KCNMA1: variants seen among roughly 807,000 people sequenced by gnomAD.
The protein encoded by KCNMA1 is Calcium-activated potassium channel subunit alpha-1.
A neutral mutation model predicts 140.0 loss-of-function variants in KCNMA1; 29 were observed. The observed-to-expected ratio is 0.21, with a 90% CI of 0.15 to 0.28. The LOEUF (loss-of-function observed/expected upper bound fraction) is 0.28. KCNMA1 is among the 10% of genes least tolerant of loss of function. The pLI, the probability that KCNMA1 is intolerant of heterozygous loss-of-function variation, is 1.00. For synonymous variants in KCNMA1, 612 were observed against 611.9 expected, an observed-to-expected ratio of 1.00 and a Z score of 0.00; for missense variants, 880 against 1,602.2, an observed-to-expected ratio of 0.55 and a Z score of 7.70.
chr10:77,090,744 C>CA, intron 9 of KCNMA1: 1 of 575,692 alleles, frequency 1.7e-6, no homozygotes, highest in Non-Finnish European at 3.1e-6. Context: ...TGATGCTGCA[C>CA]AAAATCCTAT....
chr10:76,985,198 A>G (rs1014760341), intron 19 of KCNMA1, among the ~76,000 whole-genome samples: 1 of 152,254 alleles, frequency 6.6e-6, no homozygotes, highest in Non-Finnish European at 1.5e-5. Context: ...ATAAAAACCT[A>G]GAATGTTAAT....
At chr10:77,316,526 C>G (rs1312709381) in intron 2 of KCNMA1, among the ~76,000 whole-genome samples, 1 of 152,146 alleles carries the variant, frequency 6.6e-6, no homozygotes, top group African/African-American at 2.4e-5. Context: ...TTGGCTTCAC[C>G]CTCAGAGTTT....
chr10:77,632,014 G>C lies in KCNMA1; in HGVS notation c.378+5251C>G, dbSNP rs551856267. 2.6e-5 allele frequency among the ~76,000 whole-genome samples: 4 copies of C among 152,312 alleles called. No individual in the cohort carries two copies. In the South Asian group the frequency reaches 8.3e-4, roughly 32 times the overall value. On this transcript the variant is annotated intron_variant, in intron 1 of 27. Coordinates refer to ENST00000286628, the MANE Select transcript of KCNMA1 (RefSeq NM_001161352.2). The stretch of plus-strand genomic sequence containing the variant: ...CAGGTGAGGAAACTGAGGCACAAAG[G>C]CATGACGTCTTTGCCCAGGATCACA...
At chr10:77,322,463 C>A (rs969872703) in intron 2 of KCNMA1, among the ~76,000 whole-genome samples, 4 of 152,226 alleles carry the variant, frequency 2.6e-5, no homozygotes, top group African/African-American at 9.6e-5. Flanking sequence ...AAGATGTGTG[C>A]TGCAGATGTG....
intron 5 of KCNMA1, among the ~76,000 whole-genome samples, chr10:77,158,258 C>G (rs995352241): frequency 6.6e-6 from 1 of 152,100 alleles, no homozygotes; most frequent in Non-Finnish European, 1.5e-5. Flanking sequence ...AAAATAATGA[C>G]CTAGTCATTG....
At chr10:76,948,872 G>T (rs2065224944) in intron 22 of KCNMA1, 1 of 523,934 alleles carries the variant, frequency 1.9e-6, no homozygotes, top group Non-Finnish European at 3.4e-6. Context: ...AGGAGTGAGA[G>T]TGTTTAGACG....
rs754541722 is a variant in KCNMA1, at chr10:77,025,396, G to A, written c.1928+2427C>T. ...CAAATGGTTAGTCCTGTGGTTAGGA[G>A]TGAAGATAGAGGGTGGAGGTTGGAA... On this transcript the variant is annotated intron_variant, in intron 16 of 27. Coordinates refer to ENST00000286628, the MANE Select transcript of KCNMA1 (RefSeq NM_001161352.2). The A allele has an allele frequency of 3.9e-6, 6 of 1,536,614 alleles. No homozygotes were observed. The South Asian group carries it at 4.6e-5, about 12-fold the overall frequency.
chr10:77,152,587 C>T (rs1379323331), intron 5 of KCNMA1, among the ~76,000 whole-genome samples: 3 of 152,074 alleles, frequency 2.0e-5, no homozygotes, highest in African/African-American at 2.4e-5. Context: ...AAGAGCCTTG[C>T]GACCAAGGGG....
At chr10:77,202,278 A>G (rs560568537) in intron 3 of KCNMA1, among the ~76,000 whole-genome samples, 2 of 152,266 alleles carry the variant, frequency 1.3e-5, no homozygotes, top group African/African-American at 4.8e-5. Flanking sequence ...AAGGAGTGCT[A>G]ATTGAGGCAA....
intron 10 of KCNMA1, among the ~76,000 whole-genome samples, chr10:77,089,344 T>C (rs543427387): frequency 2.6e-5 from 4 of 152,146 alleles, no homozygotes; most frequent in Non-Finnish European, 5.9e-5. Context: ...ACAAACATGT[T>C]AGCTTTGTCC....
At chr10:76,873,152 A>G (rs577260129), downstream of KCNMA1, 14 of 152,342 alleles carry the variant, frequency 9.2e-5, no homozygotes, top group African/African-American at 3.4e-4. Context: ...GCTTACCATA[A>G]AAATTGAAAA....
chr10:77,291,438 A>G (rs1237939624), intron 2 of KCNMA1, among the ~76,000 whole-genome samples: 1 of 152,192 alleles, frequency 6.6e-6, no homozygotes, highest in Non-Finnish European at 1.5e-5. Flanking sequence ...AAAAAGAAAA[A>G]CAGGTACTCC....
intron 5 of KCNMA1, among the ~76,000 whole-genome samples, chr10:77,138,768 A>G (rs142341810): frequency 1.2e-4 from 19 of 152,240 alleles, no homozygotes; most frequent in Non-Finnish European, 2.4e-4. Context: ...CCCTGCACAC[A>G]GTGTCTCTGC....
intron 1 of KCNMA1, among the ~76,000 whole-genome samples, chr10:77,417,854 A>T (rs1442031766): frequency 6.6e-6 from 1 of 152,206 alleles, no homozygotes; most frequent in Non-Finnish European, 1.5e-5. Flanking sequence ...AAGGGCTAGC[A>T]AGACAGACAG....
rs1433687882 is a variant in KCNMA1, at chr10:77,023,288, A to G, written c.1929-4189T>C. Among the ~76,000 whole-genome samples, 5 of 152,138 alleles carry G rather than the reference A, an allele frequency of 3.3e-5. No individual in the cohort carries two copies. The East Asian group carries it at 9.6e-4, about 29-fold the overall frequency. Reference sequence around the variant, plus strand: ...TTTCTGAAGACAACCTATGATTCGTAATTCAAGTGAAACAGATATTGTTTA... The same window carrying G: ...TTTCTGAAGACAACCTATGATTCGTGATTCAAGTGAAACAGATATTGTTTA... On this transcript the variant is annotated intron_variant, in intron 16 of 27. Transcript: ENST00000286628.
rs1339685697 is a variant in KCNMA1, at chr10:76,951,895, G to C, written c.2484+1906C>G. The C allele has an allele frequency of 7.3e-6, 6 of 819,908 alleles. No individual in the cohort carries two copies. In the East Asian group the frequency reaches 1.7e-4, roughly 23 times the overall value. 50.8% of individuals were successfully genotyped at this position (819,908 alleles called of 1,614,324 possible). On this transcript the variant is annotated intron_variant, in intron 21 of 27. Coordinates refer to ENST00000286628, the MANE Select transcript of KCNMA1 (RefSeq NM_001161352.2). ...ACTCCTCTTCCCCCAGCCCCACCCT[G>C]CTAGAACACAAGCTCTGTGAGAGCA...
At chr10:76,943,048 T>C (rs1047496818) in intron 23 of KCNMA1, among the ~76,000 whole-genome samples, 8 of 152,146 alleles carry the variant, frequency 5.3e-5, no homozygotes, top group African/African-American at 1.9e-4. Context: ...CAGACACCCA[T>C]ACTGGGGCAG....
chr10:77,292,118 G>C (rs1032179191), intron 2 of KCNMA1, among the ~76,000 whole-genome samples: 2 of 152,174 alleles, frequency 1.3e-5, no homozygotes, highest in Admixed American at 1.3e-4. Flanking sequence ...TCATGAAAGA[G>C]GGTTATTTCC....
At chr10:77,457,271 G>T (rs1039109445) in intron 1 of KCNMA1, among the ~76,000 whole-genome samples, 29 of 152,162 alleles carry the variant, frequency 1.9e-4, no homozygotes, top group African/African-American at 7.0e-4. Context: ...AGGGAAGTTT[G>T]TTCTATTCAG....
Sources: allele counts gnomAD v4.1 joint callset (sites outside exome capture counted in the v4.1 genomes callset), GRCh38; gene constraint gnomAD v4.1.1; transcripts MANE v1.5; gene names NCBI Gene and HGNC (gene_info 2026-07-23, HGNC 2026-07-21).